MEIS2: variants seen among roughly 807,000 people sequenced by gnomAD.
MEIS2 encodes the protein homeobox protein Meis2.
MEIS2 carries 9 observed loss-of-function variants against 58.6 expected under a neutral mutation model. The observed-to-expected ratio is 0.15, with a 90% CI of 0.09 to 0.27. The LOEUF is 0.27. Among genes scored for constraint, MEIS2 ranks in the 10% least tolerant of loss-of-function variants. The pLI, the probability that MEIS2 is intolerant of heterozygous loss-of-function variation, is 1.00. For synonymous variants in MEIS2, 221 were observed against 228.4 expected, an observed-to-expected ratio of 0.97 and a Z score of 0.29; for missense variants, 427 against 635.0, an observed-to-expected ratio of 0.67 and a Z score of 3.52.
chr15:37,043,828 C>T (rs747289796), intron 7 of MEIS2, among the ~76,000 whole-genome samples: 4 of 151,988 alleles, frequency 2.6e-5, no homozygotes, highest in Non-Finnish European at 4.4e-5. Context: ...GCTAGGATTA[C>T]AGGCGCGTGC....
Position 37,079,235 on chromosome 15 carries a change from A to T in MEIS2, c.754+4536T>A, listed in dbSNP as rs559559468. Among the ~76,000 whole-genome samples, 5 of 152,170 alleles carry T rather than the reference A, an allele frequency of 3.3e-5. No homozygotes were observed. The South Asian group carries it at 1.0e-3, about 32-fold the overall frequency. ...TAGTCTCACAGAATTTTTTTGACAC[A>T]ATTAGGAGGACAGGAAGGAAAAAAA... is the stretch of plus-strand genomic sequence containing the variant. On this transcript the variant is annotated intron_variant, in intron 7 of 11. Coordinates refer to ENST00000561208, the MANE Select transcript of MEIS2 (RefSeq NM_170675.5).
chr15:36,950,467 A>C, intron 8 of MEIS2, 67 bp from the exon 9 acceptor site: 1 of 1,441,756 alleles, frequency 6.9e-7, no homozygotes, highest in African/African-American at 1.4e-5. Context: ...ACTTCTAAGA[A>C]TAAAACCACC....
In MEIS2 at chr15:36,892,015, T is replaced by C; in HGVS notation, c.*158A>G. 1 of 750,518 alleles carries C rather than the reference T, an allele frequency of 1.3e-6. No homozygotes were observed. The highest frequency in any genetic ancestry group is 1.7e-5 in the South Asian group (1 of 58,290). The allele number at this position is 750,518 out of a possible 1,614,324, so 46.5% of individuals were successfully genotyped here. A position where few individuals can be genotyped will look rare whatever the true frequency, so the allele number is the denominator to read the frequency against. On this transcript the variant is annotated 3_prime_UTR_variant, in exon 12 of 12. Coordinates refer to ENST00000561208, the MANE Select transcript of MEIS2 (RefSeq NM_170675.5). ...GCCCATGATTTCACATTTGTGTTCT[T>C]GTTGCATTGGTCCTCTGTTGCTTGA...
intron 9 of MEIS2, among the ~76,000 whole-genome samples, chr15:36,928,279 G>A (rs2057828158): frequency 6.6e-6 from 1 of 152,086 alleles, no homozygotes; most frequent in Admixed American, 6.5e-5. Flanking sequence ...GTTTTTCCAG[G>A]AATAGACGGA....
intron 5 of MEIS2, among the ~76,000 whole-genome samples, 166 bp downstream of exon 5, chr15:37,094,361 C>T (rs1893932421): frequency 6.6e-6 from 1 of 152,126 alleles, no homozygotes; most frequent in African/African-American, 2.4e-5. Flanking sequence ...ATTCACCCAC[C>T]CTCTGAGCCC....
chr15:37,048,871 CT>C (rs2062789827), intron 7 of MEIS2, among the ~76,000 whole-genome samples: 1 of 152,072 alleles, frequency 6.6e-6, no homozygotes, highest in South Asian at 2.1e-4. Context: ...TAGGTGAATA[CT>C]TTTTAAACCA....
At chr15:36,899,071 T>G (rs1008052700) in intron 9 of MEIS2, among the ~76,000 whole-genome samples, 2 of 152,220 alleles carry the variant, frequency 1.3e-5, no homozygotes, top group Non-Finnish European at 2.9e-5. Context: ...AGATTTTGCT[T>G]TTTTCACTTG....
At chr15:37,060,510 G>C (rs144872128) in intron 7 of MEIS2, among the ~76,000 whole-genome samples, 1 of 152,080 alleles carries the variant, frequency 6.6e-6, no homozygotes, top group Non-Finnish European at 1.5e-5. Context: ...ATATTTGCCA[G>C]TTTAGTATCT....
chr15:36,899,224 A>C (rs1288889310), intron 9 of MEIS2, among the ~76,000 whole-genome samples: 2 of 152,178 alleles, frequency 1.3e-5, no homozygotes, highest in Non-Finnish European at 2.9e-5. Flanking sequence ...ATTTTCAGAA[A>C]TCTCTTAACA....
intron 9 of MEIS2, among the ~76,000 whole-genome samples, chr15:36,907,295 T>C (rs1595694986): frequency 1.3e-5 from 2 of 152,304 alleles, no homozygotes; most frequent in South Asian, 2.1e-4. Flanking sequence ...TCTTTTTAAA[T>C]GGGCTTTTAA....
At chr15:36,979,440 C>T (rs1471665833) in intron 8 of MEIS2, among the ~76,000 whole-genome samples, 1 of 152,124 alleles carries the variant, frequency 6.6e-6, no homozygotes, top group East Asian at 1.9e-4. Flanking sequence ...CACATCTTTG[C>T]CAACATTGGT....
At chr15:37,029,097 TATAAGATTCCATTCAA>T (rs2061813428) in intron 8 of MEIS2, among the ~76,000 whole-genome samples, 1 of 152,160 alleles carries the variant, frequency 6.6e-6, no homozygotes, top group African/African-American at 2.4e-5. Flanking sequence ...CGATCTCTAG[TATAAGATTCCATTCAA>T]ATAATTCACA....
chr15:36,925,420 C>A (rs8026749), intron 9 of MEIS2, among the ~76,000 whole-genome samples: 87,837 of 152,086 alleles, frequency 0.58, 25,893 homozygotes, highest in Non-Finnish European at 0.65. Context: ...TGAATTTCCT[C>A]AAAGTGATGC....
At chr15:36,986,875 T>C (rs1336439191) in intron 8 of MEIS2, among the ~76,000 whole-genome samples, 1 of 152,204 alleles carries the variant, frequency 6.6e-6, no homozygotes, top group African/African-American at 2.4e-5. Context: ...ACTAGTGTGA[T>C]TTCTGTTTTC....
intron 7 of MEIS2, among the ~76,000 whole-genome samples, chr15:37,064,047 G>T (rs1487673375): frequency 6.6e-6 from 1 of 152,114 alleles, no homozygotes; most frequent in Non-Finnish European, 1.5e-5. Context: ...GTTAAGTAAT[G>T]ATATGCGAAG....
chr15:37,096,278 G>A lies in MEIS2; in HGVS notation c.387+11C>T, dbSNP rs774088379. On this transcript the variant is annotated intron_variant, in intron 3 of 11. Coordinates refer to ENST00000561208, the MANE Select transcript of MEIS2 (RefSeq NM_170675.5). The stretch of plus-strand genomic sequence containing the variant: ...GACTGCCCGAAGTTGAGTGGATCAA[G>A]AAGGCTGGACCTGCTTGGCGAAGAC... The A allele has an allele frequency of 1.3e-6, 2 of 1,592,358 alleles. No individual in the cohort carries two copies. The highest frequency in any genetic ancestry group is 2.7e-5 in the African/African-American group (2 of 74,548).
chr15:37,013,160 C>T (rs1471487543), intron 8 of MEIS2, among the ~76,000 whole-genome samples: 1 of 152,122 alleles, frequency 6.6e-6, no homozygotes, highest in East Asian at 1.9e-4. Flanking sequence ...CTGAGAGTGC[C>T]AGATGGCACC....
chr15:37,066,781 C>A (rs1889990254), intron 7 of MEIS2, among the ~76,000 whole-genome samples: 1 of 151,996 alleles, frequency 6.6e-6, no homozygotes, highest in Non-Finnish European at 1.5e-5. Context: ...GAGCAACTAA[C>A]TTTATTTTTT....
chr15:37,093,453 A>C lies in MEIS2; in HGVS notation c.639+128T>G. On this transcript the variant is annotated intron_variant, in intron 6 of 11. Coordinates refer to ENST00000561208, the MANE Select transcript of MEIS2 (RefSeq NM_170675.5). Reference sequence around the variant, plus strand: ...TGGCAGAGAAAGCAAGAAAGAGAAGAAAAGACCCCAAAAGAGACGGAGTCA... The same window carrying C: ...TGGCAGAGAAAGCAAGAAAGAGAAGCAAAGACCCCAAAAGAGACGGAGTCA... The C allele has an allele frequency of 2.6e-6, 3 of 1,168,518 alleles. No homozygotes were observed. In the South Asian group the frequency reaches 5.1e-5, roughly 20 times the overall value. 72.4% of individuals were successfully genotyped at this position (1,168,518 alleles called of 1,614,324 possible).
Sources: gnomAD v4.1 joint callset for allele counts (sites outside exome capture counted in the v4.1 genomes callset) on GRCh38, gnomAD v4.1.1 for gene constraint, MANE v1.5 for transcripts, NCBI Gene and HGNC (gene_info 2026-07-23, HGNC 2026-07-21) for gene names.